The following ELMO1 variants were observed in gnomAD, a reference collection of about 807,000 sequenced individuals.
ELMO1 encodes the protein engulfment and cell motility protein 1.
ELMO1 carries 26 observed loss-of-function variants against 98.9 expected under a neutral mutation model. That is an observed-to-expected ratio of 0.26 (90% CI 0.19 to 0.36). ELMO1 has a LOEUF of 0.36. Ranked by LOEUF, ELMO1 falls within the 10% of genes least tolerant of loss-of-function variation. ELMO1 has a pLI of 1.00. For synonymous variants in ELMO1, 346 were observed against 346.0 expected (o/e 1.00, Z 0.00); for missense variants, 627 against 935.2 (o/e 0.67, Z 4.30).
At chr7:36,888,753 T>C (rs955874152) in intron 17 of ELMO1, among the ~76,000 whole-genome samples, 1 of 152,256 alleles carries the variant, frequency 6.6e-6, no homozygotes, top group Non-Finnish European at 1.5e-5. Context: ...TATTACCCTG[T>C]AGTCAAGGCT....
chr7:37,228,284 G>C (rs965551616), intron 8 of ELMO1, among the ~76,000 whole-genome samples: 1 of 152,192 alleles, frequency 6.6e-6, no homozygotes, highest in Non-Finnish European at 1.5e-5. Flanking sequence ...ATGTCTCTAC[G>C]TCCAGTTTGA....
intron 15 of ELMO1, among the ~76,000 whole-genome samples, chr7:37,044,890 G>A (rs922504347): frequency 1.7e-4 from 26 of 152,310 alleles, no homozygotes; most frequent in African/African-American, 6.3e-4. Flanking sequence ...TAGCAGCTAT[G>A]TGCTGTCACT....
chr7:36,952,871 A>G (rs1308305433), intron 16 of ELMO1, among the ~76,000 whole-genome samples: 1 of 152,064 alleles, frequency 6.6e-6, no homozygotes. Context: ...GTTATTCCCA[A>G]AGCATTTCTT....
At chr7:37,298,170 A>G (rs1397201589) in intron 4 of ELMO1, among the ~76,000 whole-genome samples, 1 of 152,062 alleles carries the variant, frequency 6.6e-6, no homozygotes, top group Non-Finnish European at 1.5e-5. Flanking sequence ...ATTTTTTAGC[A>G]TCTAAAAATC....
chr7:37,365,425 C>T (rs1017657041), intron 1 of ELMO1, among the ~76,000 whole-genome samples: 8 of 152,148 alleles, frequency 5.3e-5, no homozygotes, highest in African/African-American at 1.9e-4. Flanking sequence ...AAAGTCACTG[C>T]AGAACAGAAC....
chr7:37,034,031 T>C (rs1795037246), intron 15 of ELMO1, among the ~76,000 whole-genome samples: 1 of 152,232 alleles, frequency 6.6e-6, no homozygotes, highest in Non-Finnish European at 1.5e-5. Flanking sequence ...GTTTAGGAGA[T>C]GAATTACTTC....
intron 13 of ELMO1, among the ~76,000 whole-genome samples, chr7:37,191,887 C>T (rs1402280845): frequency 1.3e-5 from 2 of 151,468 alleles, no homozygotes; most frequent in East Asian, 2.0e-4. Flanking sequence ...CAGTGACTAC[C>T]GCCTGGGCGA....
intron 13 of ELMO1, among the ~76,000 whole-genome samples, chr7:37,164,138 T>A (rs887089744): frequency 6.6e-6 from 1 of 152,240 alleles, no homozygotes; most frequent in African/African-American, 2.4e-5. Flanking sequence ...AATGTCTTCT[T>A]TTGAGAAGTG....
intron 4 of ELMO1, among the ~76,000 whole-genome samples, chr7:37,306,171 G>A (rs562713783): frequency 2.2e-4 from 34 of 152,316 alleles, no homozygotes; most frequent in African/African-American, 7.9e-4. Flanking sequence ...TCGAAGCAAG[G>A]AGTATGTCAT....
At chr7:37,274,538 G>C (rs752590232) in intron 4 of ELMO1, among the ~76,000 whole-genome samples, 1 of 152,088 alleles carries the variant, frequency 6.6e-6, no homozygotes, top group Non-Finnish European at 1.5e-5. Flanking sequence ...GTATGAAGCG[G>C]CCAGGAGGGT....
At position 37,120,978 on chromosome 7, in the gene ELMO1, G is replaced by A. The variant is rs544207348; in HGVS notation, c.1191+12152C>T. Among the ~76,000 whole-genome samples the A allele has an allele frequency of 7.9e-5, 12 of 152,322 alleles. No homozygotes were observed. In the South Asian group the frequency reaches 2.3e-3, roughly 29 times the overall value. On this transcript the variant is annotated intron_variant, in intron 14 of 21. Transcript: ENST00000310758. ...CATCTGCTGTTTACCAATATTCGCT[G>A]TTCTGCAGCCTCCGCTGCTGATACC...
At chr7:37,003,797 C>T (rs932641911) in intron 16 of ELMO1, among the ~76,000 whole-genome samples, 2 of 152,180 alleles carry the variant, frequency 1.3e-5, no homozygotes, top group Non-Finnish European at 2.9e-5. Context: ...GATCTCCTAA[C>T]TTCTTCTAGC....
intron 4 of ELMO1, among the ~76,000 whole-genome samples, chr7:37,278,728 A>G (rs887892715): frequency 6.6e-6 from 1 of 152,176 alleles, no homozygotes; most frequent in African/African-American, 2.4e-5. Context: ...TCTCTAGTGG[A>G]GTCCTGATGA....
At position 36,894,876 on chromosome 7, in the gene ELMO1, C is replaced by T. The variant is rs1258087833; in HGVS notation, c.1579G>A (p.Asp527Asn). Residue 527 changes from aspartate to asparagine, a missense_variant, in exon 17 of 22, where the codon GAT becomes AAT. Coordinates refer to ENST00000310758, the MANE Select transcript of ELMO1 (RefSeq NM_014800.11). The stretch of plus-strand genomic sequence containing the variant: ...TACAAAATCGGGCGGGACTGGAAAT[C>T]TTCCTGGTTCATCCTCTCGGACTGG... ...IRQSERMNQE[D>N]FQSRPILELK... The T allele has an allele frequency of 1.2e-6, 2 of 1,614,054 alleles. No individual in the cohort carries two copies. Among genetic ancestry groups the T allele is most frequent in the Non-Finnish European group, 1.7e-6 (2 of 1,180,028 alleles).
intron 4 of ELMO1, among the ~76,000 whole-genome samples, chr7:37,274,622 G>T (rs887935112): frequency 2.0e-5 from 3 of 152,088 alleles, no homozygotes. Flanking sequence ...GCACGATCTG[G>T]GCTCACTGTA....
At chr7:37,292,595 CTG>C (rs1797764945) in intron 4 of ELMO1, among the ~76,000 whole-genome samples, 1 of 115,522 alleles carries the variant, frequency 8.7e-6, no homozygotes, top group African/African-American at 2.9e-5. Flanking sequence ...CACCTCTGCC[CTG>C]CTGCCCCGTC....
At chr7:36,878,179 G>A (rs1804126250) in intron 18 of ELMO1, 62 bp from the exon 19 acceptor site, 2 of 1,273,130 alleles carry the variant, frequency 1.6e-6, no homozygotes, top group South Asian at 1.2e-5. Flanking sequence ...TACTAGCCTG[G>A]TTATTTCTTA....
intron 16 of ELMO1, among the ~76,000 whole-genome samples, chr7:37,012,692 T>C (rs186810835): frequency 1.1e-4 from 16 of 152,332 alleles, no homozygotes; most frequent in Admixed American, 2.6e-4. Flanking sequence ...TGAGACATTA[T>C]GATATAGAAA....
rs114811890 is a variant in ELMO1, at chr7:37,326,982, T to C, written c.79-11022A>G. Among the ~76,000 whole-genome samples the C allele has an allele frequency of 5.0e-3, 766 of 152,352 alleles. 9 individuals are homozygous for C. Among genetic ancestry groups the C allele is most frequent in the African/African-American group, 0.018 (750 of 41,576 alleles). ...TTGTGATTCTCCTAGTTCCTGATTATTTTAGTGAATATTGTTACATATCAA... is the reference window on the plus strand; with the variant it reads ...TTGTGATTCTCCTAGTTCCTGATTACTTTAGTGAATATTGTTACATATCAA... On this transcript the variant is annotated intron_variant, in intron 2 of 21. Coordinates refer to ENST00000310758, the MANE Select transcript of ELMO1 (RefSeq NM_014800.11).
Sources: gnomAD v4.1 joint callset for allele counts (sites outside exome capture counted in the v4.1 genomes callset) on GRCh38, gnomAD v4.1.1 for gene constraint, MANE v1.5 for transcripts, NCBI Gene and HGNC (gene_info 2026-07-23, HGNC 2026-07-21) for gene names.